Variants in PKD1L1 observed in about 807,000 individuals in gnomAD.
PKD1L1 encodes the protein polycystin 1 like 1, transient receptor potential channel interacting, also known as polycystin-1-like protein 1.
PKD1L1 carries 236 observed loss-of-function variants against 323.4 expected under a neutral mutation model. That is an observed-to-expected ratio of 0.73 (90% CI 0.66 to 0.81). PKD1L1 has a LOEUF of 0.81. PKD1L1 is among the 40% of genes least tolerant of loss of function. The pLI is 0.00. For synonymous variants in PKD1L1, 1,344 were observed against 1,335.0 expected (o/e 1.01, Z -0.15); for missense variants, 3,320 against 3,508.0 (o/e 0.95, Z 1.35).
At chr7:47,782,676 C>T (rs991868347) in intron 56 of PKD1L1, among the ~76,000 whole-genome samples, 1 of 152,184 alleles carries the variant, frequency 6.6e-6, no homozygotes, top group African/African-American at 2.4e-5. Flanking sequence ...CTAGCTGTAA[C>T]TTGGACCCTC....
Position 47,865,729 on chromosome 7 carries a change from G to A in PKD1L1, c.4093-457C>T, listed in dbSNP as rs534312051. On this transcript the variant is annotated intron_variant, in intron 25 of 56. Coordinates refer to ENST00000289672, the MANE Select transcript of PKD1L1 (RefSeq NM_138295.5). ...GCCTCCCGAGTAGCTGGGACTACACGCGCCTGCCACCACACCTGGCTAATT... is the reference window on the plus strand; with the variant it reads ...GCCTCCCGAGTAGCTGGGACTACACACGCCTGCCACCACACCTGGCTAATT... Among the ~76,000 whole-genome samples, 10 of 151,080 alleles carry A rather than the reference G, an allele frequency of 6.6e-5. No homozygotes were observed. The East Asian group carries it at 1.9e-3, about 29-fold the overall frequency.
At chr7:47,938,572 A>C (rs2708910) in intron 3 of PKD1L1, among the ~76,000 whole-genome samples, 80,746 of 152,070 alleles carry the variant, frequency 0.53, 21,541 homozygotes, top group African/African-American at 0.57. Flanking sequence ...CACGTCCAGG[A>C]GCTGGTGTAT....
At chr7:47,880,626 CGCT>C in intron 21 of PKD1L1, 99 bp downstream of exon 21, 1 of 818,816 alleles carries the variant, frequency 1.2e-6, no homozygotes, top group Non-Finnish European at 1.9e-6. Flanking sequence ...TTAGCCTTTA[CGCT>C]GATGTAGACC....
upstream of PKD1L1, among the ~76,000 whole-genome samples, chr7:47,950,629 G>C (rs1176998735): frequency 6.6e-6 from 1 of 152,016 alleles, no homozygotes; most frequent in Non-Finnish European, 1.5e-5. Flanking sequence ...AGAATCGCTT[G>C]AACCGGGGAG....
At chr7:47,797,597 T>C (rs564766362) in intron 54 of PKD1L1, among the ~76,000 whole-genome samples, 102 of 152,296 alleles carry the variant, frequency 6.7e-4, no homozygotes, top group Middle Eastern at 6.8e-3. Context: ...TCTCAGAAGA[T>C]AGCATCCAGG....
At chr7:47,932,094 C>T (rs768826186) in intron 4 of PKD1L1, 38 bp from the exon 5 acceptor site, 20 of 1,579,138 alleles carry the variant, frequency 1.3e-5, no homozygotes, top group South Asian at 4.6e-5. Context: ...AAAGGAAACC[C>T]GGTCATGTTT....
Position 47,844,979 on chromosome 7 carries a change from A to T in PKD1L1, c.5237+16T>A. Reference sequence around the variant, plus strand: ...AATAAAGTCTATGAAGTCTTTATGTAGGAAATGGAACTTACCTCTGTAGCT... The same window carrying T: ...AATAAAGTCTATGAAGTCTTTATGTTGGAAATGGAACTTACCTCTGTAGCT... On this transcript the variant is annotated intron_variant, in intron 33 of 56. Transcript: ENST00000289672. 6.2e-7 allele frequency: 1 copy of T among 1,602,154 alleles called. No homozygotes were observed. Among genetic ancestry groups the T allele is most frequent in the East Asian group, 2.2e-5 (1 of 44,800 alleles).
chr7:47,849,386 G>C (rs543506181), intron 31 of PKD1L1, among the ~76,000 whole-genome samples: 2 of 152,100 alleles, frequency 1.3e-5, no homozygotes, highest in African/African-American at 4.8e-5. Context: ...CAAAGCAAAA[G>C]AAATAATCAG....
chr7:47,819,059 A>G (rs1482433009), intron 46 of PKD1L1, among the ~76,000 whole-genome samples: 1 of 152,180 alleles, frequency 6.6e-6, no homozygotes, highest in Non-Finnish European at 1.5e-5. Context: ...TAGCTTCTCT[A>G]TCTGGAATGC....
chr7:47,953,975 A>G, the PKD1L1 span, among the ~76,000 whole-genome samples: 2 of 152,262 alleles, frequency 1.3e-5, no homozygotes, highest in East Asian at 3.8e-4. Flanking sequence ...ATTTTCTCTC[A>G]GCAAGGAAGA....
chr7:47,795,185 C>T (rs62448551), intron 55 of PKD1L1: 4,839 of 331,292 alleles, frequency 0.015, 51 homozygotes, highest in Non-Finnish European at 0.022. Flanking sequence ...TTGGCTGTGT[C>T]CCTATTCAAA....
chr7:47,943,847 C>T (rs1788046478), intron 1 of PKD1L1, among the ~76,000 whole-genome samples: 1 of 152,190 alleles, frequency 6.6e-6, no homozygotes, highest in Non-Finnish European at 1.5e-5. Flanking sequence ...TGGCAGCTTC[C>T]AGGGCTCCTC....
intron 7 of PKD1L1, among the ~76,000 whole-genome samples, chr7:47,924,320 T>G (rs1024695896): frequency 1.3e-5 from 2 of 152,228 alleles, no homozygotes; most frequent in African/African-American, 4.8e-5. Flanking sequence ...ACTGTCTTTG[T>G]GCAGCTGAGT....
rs376423708 is a variant in PKD1L1, at chr7:47,853,112, G to A, written c.4960+15C>T. On this transcript the variant is annotated intron_variant, in intron 31 of 56. Coordinates refer to ENST00000289672, the MANE Select transcript of PKD1L1 (RefSeq NM_138295.5). Reference sequence around the variant, plus strand: ...TGTAAACAGAAAGGGAAAATAAGGCGCCCTGTTCACTGACCTTTCTGAGAA... The same window carrying A: ...TGTAAACAGAAAGGGAAAATAAGGCACCCTGTTCACTGACCTTTCTGAGAA... The A allele has an allele frequency of 2.4e-5, 38 of 1,552,966 alleles. No individual in the cohort carries two copies. The highest frequency in any genetic ancestry group is 6.7e-5 in the East Asian group (3 of 44,538).
chr7:47,930,244 T>C (rs1009805757), intron 6 of PKD1L1, among the ~76,000 whole-genome samples: 4 of 151,822 alleles, frequency 2.6e-5, no homozygotes, highest in Admixed American at 1.3e-4. Flanking sequence ...CCTCTTCCAG[T>C]GTGCTGTGCA....
chr7:47,945,873 G>A (rs947835230), intron 1 of PKD1L1, among the ~76,000 whole-genome samples: 1 of 152,144 alleles, frequency 6.6e-6, no homozygotes, highest in Non-Finnish European at 1.5e-5. Flanking sequence ...CCTGGTTCCT[G>A]GGACATAGTT....
Position 47,890,506 on chromosome 7 carries a change from G to A in PKD1L1, c.2675+36C>T, listed in dbSNP as rs116015215. The stretch of plus-strand genomic sequence containing the variant: ...CTAGCACCAGGTGGGAACAAACACC[G>A]GTGAGCTGAGCTGTGCTGAATACAG... On this transcript the variant is annotated intron_variant, in intron 16 of 56. Transcript: ENST00000289672. 2.9e-4 allele frequency: 460 copies of A among 1,596,730 alleles called. 3 individuals are homozygous for A. In the African/African-American group the frequency reaches 4.1e-3, roughly 14 times the overall value.
At position 47,811,958 on chromosome 7, in the gene PKD1L1, G is replaced by A. The variant is rs534330206; in HGVS notation, c.7440C>T (p.Asn2480=). Residue 2480 remains asparagine, a synonymous_variant, in exon 50 of 57, where the codon AAC becomes AAT. Coordinates refer to ENST00000289672, the MANE Select transcript of PKD1L1 (RefSeq NM_138295.5). ...RAVSVHFTLY[N]PPTQLFTSVS... is the part of the protein sequence containing the mutation. ...CGCTGGTGAAGAGTTGGGTTGGAGGGTTATAGAGAGTGAAGTGCACAGACA... is the reference window on the plus strand; with the variant it reads ...CGCTGGTGAAGAGTTGGGTTGGAGGATTATAGAGAGTGAAGTGCACAGACA... The A allele has an allele frequency of 3.7e-5, 59 of 1,602,494 alleles. 1 individual carries two copies. In the South Asian group the frequency reaches 6.5e-4, roughly 18 times the overall value.
intron 46 of PKD1L1, among the ~76,000 whole-genome samples, chr7:47,819,066 A>T (rs1175341148): frequency 1.3e-5 from 2 of 152,192 alleles, no homozygotes; most frequent in Non-Finnish European, 2.9e-5. Context: ...TCTATCTGGA[A>T]TGCTAGTAAA....
Sources: gnomAD v4.1 joint callset for allele counts (sites outside exome capture counted in the v4.1 genomes callset) on GRCh38, gnomAD v4.1.1 for gene constraint, MANE v1.5 for transcripts, NCBI Gene and HGNC (gene_info 2026-07-23, HGNC 2026-07-21) for gene names.